Variants in KIRREL2 observed in about 807,000 individuals in gnomAD.
The protein encoded by KIRREL2 is kin of IRRE-like protein 2.
A neutral mutation model predicts 73.4 loss-of-function variants in KIRREL2; 56 were observed. The observed-to-expected ratio is 0.76, with a 90% CI of 0.62 to 0.95. KIRREL2 has a LOEUF of 0.95. KIRREL2 is among the 40% of genes least tolerant of loss of function. KIRREL2 has a pLI of 0.00. For synonymous variants in KIRREL2, 407 were observed against 404.0 expected (o/e 1.01, Z -0.09); for missense variants, 896 against 935.0 (o/e 0.96, Z 0.54).
At chr19:35,855,051 C>G (rs1269110605), upstream of KIRREL2, among the ~76,000 whole-genome samples, 1 of 152,172 alleles carries the variant, frequency 6.6e-6, no homozygotes, top group Admixed American at 6.5e-5. Context: ...CCGCCAATAT[C>G]GTTCCCAGGA....
intron 13 of KIRREL2, among the ~76,000 whole-genome samples, chr19:35,863,897 C>T (rs1219037686): frequency 6.6e-6 from 1 of 152,032 alleles, no homozygotes; most frequent in African/African-American, 2.4e-5. Context: ...CCTCAGCCTC[C>T]AGAGTAGCTG....
At chr19:35,860,746 G>T (rs1287179266) in intron 7 of KIRREL2, 79 bp downstream of exon 7, 1 of 1,587,644 alleles carries the variant, frequency 6.3e-7, no homozygotes, top group Non-Finnish European at 8.5e-7. Context: ...GCCTGGAGGG[G>T]CGGGGCCGGG....
intron 14 of KIRREL2, among the ~76,000 whole-genome samples, chr19:35,865,333 T>C (rs2146885654): frequency 6.6e-6 from 1 of 152,156 alleles, no homozygotes; most frequent in South Asian, 2.1e-4. Context: ...GTATTTTTAG[T>C]AGAGATGGAG....
Position 35,864,663 on chromosome 19 carries a change from A to G in KIRREL2, c.1741A>G (p.Thr581Ala), listed in dbSNP as rs1485689732. ...SREDRGPIVH[T>A]DHSDLVLEEE... is the part of the protein sequence containing the mutation. ...CCTACCCCAGGGCCCCATTGTGCAC[A>G]CTGACCACAGTGATCTGGTTCTGGA... Residue 581 changes from threonine (T) to alanine (A), a missense_variant, in exon 14 of 15, where the codon ACT becomes GCT. Physicochemically the swap from Thr to Ala is moderately conservative, Grantham distance 58. Coordinates refer to ENST00000360202, the MANE Select transcript of KIRREL2 (RefSeq NM_199180.4). 6.2e-7 allele frequency: 1 copy of G among 1,612,890 alleles called. No homozygotes were observed. The highest frequency in any genetic ancestry group is 1.7e-5 in the Admixed American group (1 of 59,982).
chr19:35,857,150 G>C lies in KIRREL2; in HGVS notation c.31G>C (p.Val11Leu). 1 of 1,612,606 alleles carries C rather than the reference G, an allele frequency of 6.2e-7. No homozygotes were observed. Among genetic ancestry groups the C allele is most frequent in the South Asian group, 1.1e-5 (1 of 91,058 alleles). ...CAGGATGCGGGTCCCCGCCCTCCTC[G>C]TCCTCCTCTTCTGCTTCAGAGGGAG... is the stretch of plus-strand genomic sequence containing the variant. MLRMRVPALL[V>L]LLFCFRGRAG... Residue 11 changes from valine to leucine, a missense_variant, in exon 1 of 15, where the codon GTC becomes CTC. Val to Leu is a conservative substitution (Grantham distance 32). Coordinates refer to ENST00000360202, the MANE Select transcript of KIRREL2 (RefSeq NM_199180.4).
At chr19:35,857,548 G>C in intron 2 of KIRREL2, 54 bp downstream of exon 2, 1 of 1,476,414 alleles carries the variant, frequency 6.8e-7, no homozygotes, top group Non-Finnish European at 9.0e-7. Context: ...GAGTTGCTGG[G>C]CTCGGCTGTA....
At chr19:35,864,569 T>A in intron 13 of KIRREL2, 79 bp from the exon 14 acceptor site, 2 of 1,186,252 alleles carry the variant, frequency 1.7e-6, no homozygotes, top group Non-Finnish European at 2.5e-6. Context: ...CTCCACTGGC[T>A]GGCTGAAGGT....
Position 35,862,615 on chromosome 19 carries a change from G to C in KIRREL2, c.1615+18G>C. On this transcript the variant is annotated intron_variant, in intron 12 of 14. Coordinates refer to ENST00000360202, the MANE Select transcript of KIRREL2 (RefSeq NM_199180.4). Reference sequence around the variant, plus strand: ...CAGCAAGGGTTAGTGCCTGAGCCCCGCCCCGGCTCCCGAGGCCCCAGCCCC... The same window carrying C: ...CAGCAAGGGTTAGTGCCTGAGCCCCCCCCCGGCTCCCGAGGCCCCAGCCCC... 1 of 1,580,256 alleles carries C rather than the reference G, an allele frequency of 6.3e-7. No individual in the cohort carries two copies. Among genetic ancestry groups the C allele is most frequent in the Non-Finnish European group, 8.6e-7 (1 of 1,158,616 alleles).
At position 35,862,975 on chromosome 19, in the gene KIRREL2, G is replaced by A. The variant is rs1326068497; in HGVS notation, c.1664G>A (p.Ser555Asn). The change falls in exon 13 of 15, where the codon AGC becomes AAC. Residue 555 changes from serine to asparagine, a missense_variant. Transcript: ENST00000360202. ...EQKNLMRIPG[S>N]SDGSSSRGPE... The stretch of plus-strand genomic sequence containing the variant: ...AAGAACCTGATGCGAATCCCTGGCA[G>A]CAGCGACGGCTCCAGTTCACGAGGT... The A allele has an allele frequency of 6.3e-7, 1 of 1,593,094 alleles. No individual in the cohort carries two copies. Among genetic ancestry groups the A allele is most frequent in the Non-Finnish European group, 8.5e-7 (1 of 1,170,138 alleles).
At chr19:35,863,699 G>A (rs1292755827) in intron 13 of KIRREL2, among the ~76,000 whole-genome samples, 8 of 152,064 alleles carry the variant, frequency 5.3e-5, no homozygotes, top group Admixed American at 1.3e-4. Context: ...TGATCCACCC[G>A]CCTCGACCTC....
chr19:35,857,474 G>A lies in KIRREL2; in HGVS notation c.191G>A (p.Gly64Glu). The change falls in exon 2 of 15, where the codon GGG becomes GAG. Residue 64 changes from glycine to glutamate, a missense_variant. By Grantham distance (98) the Gly-to-Glu change is moderately conservative. Coordinates refer to ENST00000360202, the MANE Select transcript of KIRREL2 (RefSeq NM_199180.4). ...TGGACTAAGAGTGGGCTGGCCCTAG[G>A]GGGCCAAAGGGACCTACCAGGTAAG... ...VQWTKSGLAL[G>E]GQRDLPGWSR... 2 of 1,599,708 alleles carry A rather than the reference G, an allele frequency of 1.3e-6. No individual in the cohort carries two copies. The highest frequency in any genetic ancestry group is 1.7e-6 in the Non-Finnish European group (2 of 1,174,208).
chr19:35,855,774 T>G (rs916905590), upstream of KIRREL2: 4 of 142,900 alleles, frequency 2.8e-5, no homozygotes, highest in African/African-American at 5.2e-5. Context: ...TGTGTGGGGG[T>G]GGGGAGAGAT....
chr19:35,861,224 G>C lies in KIRREL2; in HGVS notation c.1159G>C (p.Gly387Arg). The change falls in exon 9 of 15, where the codon GGC becomes CGC. Residue 387 changes from glycine to arginine, a missense_variant. Coordinates refer to ENST00000360202, the MANE Select transcript of KIRREL2 (RefSeq NM_199180.4). Reference protein sequence around the residue: ...AEAGLSGLRGGAAEARLTVNA... With the variant: ...AEAGLSGLRGRAAEARLTVNA... ...GGCTGGGCTATCGGGCCTGCGGGGC[G>C]GCGCCGCGGAGGCTCGGCTGACTGT... is the stretch of plus-strand genomic sequence containing the variant. The C allele has an allele frequency of 6.5e-7, 1 of 1,536,722 alleles. No homozygotes were observed. The highest frequency in any genetic ancestry group is 1.2e-5 in the South Asian group (1 of 80,438).
Position 35,866,375 on chromosome 19 carries a change from C to G in KIRREL2, c.2010C>G (p.Phe670Leu). The change falls in exon 15 of 15, where the codon TTC (phenylalanine) becomes TTG (leucine). Residue 670 changes from phenylalanine to leucine, a missense_variant. Transcript: ENST00000360202. ...TCACCACACCCCACCCTCGAGCTTTCACCAGCTACATCAAACCCACATCCT... is the reference window on the plus strand; with the variant it reads ...TCACCACACCCCACCCTCGAGCTTTGACCAGCTACATCAAACCCACATCCT... ...GYLTTPHPRA[F>L]TSYIKPTSFG... The G allele has an allele frequency of 6.2e-7, 1 of 1,613,596 alleles. No homozygotes were observed. The highest frequency in any genetic ancestry group is 8.5e-7 in the Non-Finnish European group (1 of 1,179,592).
upstream of KIRREL2, among the ~76,000 whole-genome samples, chr19:35,853,807 G>A (rs1165471761): frequency 6.6e-6 from 1 of 151,412 alleles, no homozygotes; most frequent in East Asian, 1.9e-4. Context: ...TGAGTAGCTG[G>A]GACTACAGGC....
upstream of KIRREL2, among the ~76,000 whole-genome samples, chr19:35,852,224 C>G (rs75343898): frequency 6.6e-6 from 1 of 151,758 alleles, no homozygotes; most frequent in Non-Finnish European, 1.5e-5. Context: ...CCACTGCGCC[C>G]AGTCTCTTTA....
rs1973948892 is a variant in KIRREL2 at position 35,866,042 on chromosome 19, C to T, written c.1792-115C>T. On this transcript the variant is annotated intron_variant, in intron 14 of 14. Coordinates refer to ENST00000360202, the MANE Select transcript of KIRREL2 (RefSeq NM_199180.4). ...GTGTGTCTCTGTGTCTCTGCCCACT[C>T]CTGTCTCTTTTTGTCTCTCTCAAGG... The T allele has an allele frequency of 6.1e-6, 6 of 976,358 alleles. No individual in the cohort carries two copies. The Admixed American group carries it at 1.2e-4, about 20-fold the overall frequency. 60.5% of individuals were successfully genotyped at this position (976,358 alleles called of 1,614,324 possible).
chr19:35,857,497 A>C lies in KIRREL2; in HGVS notation c.211+3A>C. On this transcript the variant is annotated splice_donor_region_variant and intron_variant, in intron 2 of 14. Coordinates refer to ENST00000360202, the MANE Select transcript of KIRREL2 (RefSeq NM_199180.4). ...AGGGGGCCAAAGGGACCTACCAGGT[A>C]AGAGTGTTCTCTCCACGCTGGGACG... The C allele has an allele frequency of 6.4e-7, 1 of 1,573,296 alleles. No homozygotes were observed. Among genetic ancestry groups the C allele is most frequent in the Non-Finnish European group, 8.6e-7 (1 of 1,161,368 alleles).
chr19:35,864,677 T>G lies in KIRREL2; in HGVS notation c.1755T>G (p.Asp585Glu). Residue 585 changes from aspartate to glutamate, a missense_variant, in exon 14 of 15, where the codon GAT (aspartate) becomes GAG (glutamate). Transcript: ENST00000360202. The part of the protein sequence containing the change: ...RGPIVHTDHS[D>E]LVLEEEGTLE... ...CCATTGTGCACACTGACCACAGTGA[T>G]CTGGTTCTGGAGGAGGAAGGGACTC... 6.2e-7 allele frequency: 1 copy of G among 1,613,144 alleles called. No individual in the cohort carries two copies. The highest frequency in any genetic ancestry group is 8.5e-7 in the Non-Finnish European group (1 of 1,179,200).
Sources: gnomAD v4.1 joint callset for allele counts (sites outside exome capture counted in the v4.1 genomes callset) on GRCh38, gnomAD v4.1.1 for gene constraint, MANE v1.5 for transcripts, NCBI Gene and HGNC (gene_info 2026-07-23, HGNC 2026-07-21) for gene names.